PPP1R13B: variants seen among roughly 807,000 people sequenced by gnomAD.
PPP1R13B encodes apoptosis-stimulating of p53 protein 1.
PPP1R13B carries 44 observed loss-of-function variants against 119.8 expected under a neutral mutation model. The ratio of observed to expected loss-of-function variants is 0.37; its 90% CI spans 0.29 to 0.47. PPP1R13B has a LOEUF of 0.47. PPP1R13B is among the 20% of genes least tolerant of loss of function. PPP1R13B has a pLI of 0.99. For missense variants in PPP1R13B, 1,227 were observed against 1,413.5 expected, an observed-to-expected ratio of 0.87 and a Z score of 2.12; for synonymous variants, 542 against 561.5, an observed-to-expected ratio of 0.97 and a Z score of 0.49.
chr14:103,778,741 T>C lies in PPP1R13B; in HGVS notation c.354+4A>G, dbSNP rs368593607. ...AAAATTCAATTTAATTCACTGTCACTTACCCCATTTTCAGTACGTTTTTCT... is the reference window on the plus strand; with the variant it reads ...AAAATTCAATTTAATTCACTGTCACCTACCCCATTTTCAGTACGTTTTTCT... On this transcript the variant is annotated splice_donor_region_variant and intron_variant, in intron 4 of 16. Transcript: ENST00000202556. 8 of 1,610,756 alleles carry C rather than the reference T, an allele frequency of 5.0e-6. No individual in the cohort carries two copies. The highest frequency in any genetic ancestry group is 6.8e-6 in the Non-Finnish European group (8 of 1,177,020).
At chr14:103,780,801 T>A in intron 3 of PPP1R13B, among the ~76,000 whole-genome samples, 1 of 146,402 alleles carries the variant, frequency 6.8e-6, no homozygotes, top group African/African-American at 2.6e-5. Flanking sequence ...AGAGTGAGAC[T>A]CTGTCTCTAA....
intron 9 of PPP1R13B, among the ~76,000 whole-genome samples, chr14:103,744,842 CG>C (rs1170984691): frequency 6.6e-6 from 1 of 152,198 alleles, no homozygotes; most frequent in Non-Finnish European, 1.5e-5. Context: ...ACAGGTTCCC[CG>C]TGTCCATGAC....
At chr14:103,803,231 ATTTT>A (rs35240934) in intron 1 of PPP1R13B, among the ~76,000 whole-genome samples, 1 of 152,186 alleles carries the variant, frequency 6.6e-6, no homozygotes, top group African/African-American at 2.4e-5. Context: ...TGGGTAGCAT[ATTTT>A]TTTCTTTAAT....
chr14:103,776,708 T>A (rs1025880921), intron 4 of PPP1R13B, among the ~76,000 whole-genome samples: 3 of 151,862 alleles, frequency 2.0e-5, no homozygotes, highest in African/African-American at 7.2e-5. Context: ...CCATCTCTAT[T>A]AAAAATACAA....
intron 4 of PPP1R13B, among the ~76,000 whole-genome samples, chr14:103,763,696 A>T (rs1381342231): frequency 6.6e-6 from 1 of 152,158 alleles, no homozygotes; most frequent in Non-Finnish European, 1.5e-5. Flanking sequence ...TAACTGGAAA[A>T]TTTAGTTATT....
intron 2 of PPP1R13B, among the ~76,000 whole-genome samples, chr14:103,789,480 T>C (rs960093316): frequency 1.3e-5 from 2 of 151,934 alleles, no homozygotes; most frequent in Non-Finnish European, 2.9e-5. Flanking sequence ...CCTCCCAAAG[T>C]GCTGAAATTA....
At chr14:103,776,139 TGGAAGGAA>T (rs1377665687) in intron 4 of PPP1R13B, among the ~76,000 whole-genome samples, 1 of 119,298 alleles carries the variant, frequency 8.4e-6, no homozygotes, top group East Asian at 2.4e-4. Context: ...CTGCAAGAGC[TGGAAGGAA>T]GGAAGGAAGG....
Position 103,842,635 on chromosome 14 carries a change from C to T in PPP1R13B, c.9+4664G>A, listed in dbSNP as rs187845038. On this transcript the variant is annotated intron_variant, in intron 1 of 16. Transcript: ENST00000202556. ...CCTTCTTTATGAAGAGAAAACACTT[C>T]AGAGCTACAGAACAGTTCTTGACTC... 3.6e-3 allele frequency among the ~76,000 whole-genome samples: 552 copies of T among 151,754 alleles called. 5 individuals are homozygous for T. Among genetic ancestry groups the T allele is most frequent in the African/African-American group, 0.013 (535 of 41,406 alleles).
intron 1 of PPP1R13B, among the ~76,000 whole-genome samples, chr14:103,810,475 A>G (rs571817825): frequency 1.3e-5 from 2 of 150,760 alleles, no homozygotes; most frequent in African/African-American, 4.9e-5. Flanking sequence ...CTGTTCATCA[A>G]TATTGAAAAT....
At chr14:103,769,330 A>C (rs1202574558) in intron 4 of PPP1R13B, among the ~76,000 whole-genome samples, 4 of 151,776 alleles carry the variant, frequency 2.6e-5, no homozygotes, top group African/African-American at 7.3e-5. Context: ...GCCTCAAGTG[A>C]TCTGCCCGCC....
At chr14:103,760,927 CA>C (rs1214932998) in intron 4 of PPP1R13B, among the ~76,000 whole-genome samples, 5 of 152,134 alleles carry the variant, frequency 3.3e-5, no homozygotes, top group Non-Finnish European at 5.9e-5. Flanking sequence ...AGCTGGCTTA[CA>C]AAATTTTTAT....
intron 1 of PPP1R13B, among the ~76,000 whole-genome samples, chr14:103,842,917 C>T (rs1270916879): frequency 1.3e-5 from 2 of 151,916 alleles, no homozygotes; most frequent in Non-Finnish European, 2.9e-5. Flanking sequence ...GCGGAGGTTG[C>T]AGTGAGCCAA....
chr14:103,791,834 A>G (rs1239597858), intron 2 of PPP1R13B, among the ~76,000 whole-genome samples: 1 of 152,208 alleles, frequency 6.6e-6, no homozygotes, highest in Non-Finnish European at 1.5e-5. Context: ...GATTTTTAAA[A>G]GCAAGTGTAT....
At chr14:103,774,288 G>A (rs1209310811) in intron 4 of PPP1R13B, among the ~76,000 whole-genome samples, 2 of 152,082 alleles carry the variant, frequency 1.3e-5, no homozygotes, top group Non-Finnish European at 2.9e-5. Flanking sequence ...AAAACTGCTT[G>A]GCTGAGAAGA....
chr14:103,765,979 T>TCTTTA (rs2084927298), intron 4 of PPP1R13B, among the ~76,000 whole-genome samples: 1 of 140,754 alleles, frequency 7.1e-6, no homozygotes. Flanking sequence ...TCGGAGGAAA[T>TCTTTA]TTTTATTTTA....
chr14:103,769,858 G>T (rs2085025237), intron 4 of PPP1R13B, among the ~76,000 whole-genome samples: 1 of 151,950 alleles, frequency 6.6e-6, no homozygotes, highest in African/African-American at 2.4e-5. Context: ...AGTCACAAAG[G>T]TGGCAAAAAT....
At position 103,844,001 on chromosome 14, in the gene PPP1R13B, T is replaced by A. The variant is rs546765144; in HGVS notation, c.9+3298A>T. On this transcript the variant is annotated intron_variant, in intron 1 of 16. Transcript: ENST00000202556. ...CCAGGTGCAGGGGCAGAGGGGTGGC[T>A]CACACCTGTAATCCCAGCACTTTGG... Among the ~76,000 whole-genome samples the A allele has an allele frequency of 2.7e-5, 4 of 146,104 alleles. No individual in the cohort carries two copies. The South Asian group carries it at 8.8e-4, about 32-fold the overall frequency.
At chr14:103,795,427 A>G (rs1434603231) in intron 2 of PPP1R13B, among the ~76,000 whole-genome samples, 2 of 152,170 alleles carry the variant, frequency 1.3e-5, no homozygotes, top group Non-Finnish European at 2.9e-5. Flanking sequence ...TCTGTGCTCC[A>G]GGGTGGTAGT....
intron 1 of PPP1R13B, among the ~76,000 whole-genome samples, chr14:103,825,146 A>G (rs949480958): frequency 2.0e-4 from 30 of 152,178 alleles, no homozygotes; most frequent in Non-Finnish European, 4.4e-5. Context: ...GGGCACCACA[A>G]ATAGCACCCA....
Sources: allele counts gnomAD v4.1 joint callset (sites outside exome capture counted in the v4.1 genomes callset), GRCh38; gene constraint gnomAD v4.1.1; transcripts MANE v1.5; gene names NCBI Gene and HGNC (gene_info 2026-07-23, HGNC 2026-07-21).